LOC131768270: variants seen among roughly 807,000 people sequenced by gnomAD.
At chr5:140,565,739 C>T in the LOC131768270 span, 1 of 394,158 alleles carries the variant, frequency 2.5e-6, no homozygotes, top group African/African-American at 2.1e-5. Flanking sequence ...TTTGCCACTG[C>T]CATCTCAGGA....
At chr5:140,565,860 T>C in the LOC131768270 span, 2 of 398,796 alleles carry the variant, frequency 5.0e-6, no homozygotes, top group Non-Finnish European at 8.8e-6. Context: ...AGCCAGCCTC[T>C]CGCTTGTCCT....
chr5:140,567,402 A>G, the LOC131768270 span: 1 of 1,614,118 alleles, frequency 6.2e-7, no homozygotes, highest in East Asian at 2.2e-5. Context: ...GCATGGCCCC[A>G]GGGGCCCCCA....
the LOC131768270 span, chr5:140,567,167 G>A: frequency 2.8e-5 from 45 of 1,614,106 alleles, no homozygotes; most frequent in Non-Finnish European, 1.0e-5. Context: ...GTCTTGTGTG[G>A]GTATGAGTGT....
chr5:140,568,728 C>G, the LOC131768270 span: 1 of 171,696 alleles, frequency 5.8e-6, no homozygotes, highest in East Asian at 1.9e-4. Context: ...CCTGCCCTCT[C>G]CACAGTGCTG....
the LOC131768270 span, chr5:140,567,623 G>A: frequency 1.9e-6 from 3 of 1,614,174 alleles, no homozygotes; most frequent in Non-Finnish European, 1.7e-6. Context: ...GCTGATGGCT[G>A]CGGGAGCCTG....
the LOC131768270 span, chr5:140,568,004 C>T: frequency 2.2e-5 from 35 of 1,613,990 alleles, no homozygotes; most frequent in African/African-American, 4.0e-5. Flanking sequence ...CAGCATCACA[C>T]GCCTCTTTGT....
chr5:140,567,266 C>A, the LOC131768270 span: 3 of 1,614,240 alleles, frequency 1.9e-6, no homozygotes, highest in Non-Finnish European at 2.5e-6. Context: ...GTACGGTGCC[C>A]ATGCCCCATT....
the LOC131768270 span, chr5:140,567,035 T>C: frequency 7.2e-7 from 1 of 1,385,150 alleles, no homozygotes; most frequent in Admixed American, 1.7e-5. Flanking sequence ...AGTTGGTAGA[T>C]GCCTCTGATC....
At chr5:140,568,210 C>T in the LOC131768270 span, 1 of 1,610,626 alleles carries the variant, frequency 6.2e-7, no homozygotes, top group Non-Finnish European at 8.5e-7. Context: ...ATCCCCCTCC[C>T]AGGCCTTCCT....
the LOC131768270 span, chr5:140,568,169 C>T: frequency 9.4e-5 from 152 of 1,613,596 alleles, 2 homozygotes; most frequent in South Asian, 1.6e-3. Context: ...CACCCTGATT[C>T]CGGACCCTGT....
the LOC131768270 span, chr5:140,568,190 C>T: frequency 3.1e-6 from 5 of 1,612,800 alleles, no homozygotes; most frequent in Non-Finnish European, 4.2e-6. Context: ...AGATTGGGCG[C>T]CACCACCAGA....
At chr5:140,566,935 C>G in the LOC131768270 span, 2 of 690,056 alleles carry the variant, frequency 2.9e-6, no homozygotes, top group African/African-American at 3.5e-5. Flanking sequence ...ACCCTGGATT[C>G]CTTCTTCCCC....
the LOC131768270 span, chr5:140,567,368 T>C: frequency 1.4e-4 from 227 of 1,614,196 alleles, 1 homozygote; most frequent in Middle Eastern, 1.3e-3. Flanking sequence ...GTTATGCGCC[T>C]TCTCCCTTCT....
the LOC131768270 span, chr5:140,567,824 C>T: frequency 6.2e-7 from 1 of 1,614,030 alleles, no homozygotes; most frequent in Non-Finnish European, 8.5e-7. Flanking sequence ...GCCCCTGGCA[C>T]TTCAGAACCT....
chr5:140,567,461 G>A, the LOC131768270 span: 60 of 1,613,998 alleles, frequency 3.7e-5, no homozygotes, highest in Middle Eastern at 3.3e-4. Flanking sequence ...GCTCTATGGC[G>A]CTAACAACAA....
the LOC131768270 span, chr5:140,566,829 T>A: frequency 2.0e-5 from 12 of 602,284 alleles, no homozygotes; most frequent in Admixed American, 5.8e-5. Context: ...TTATCTGGAT[T>A]CCCCAGCTGT....
At chr5:140,568,036 C>T in the LOC131768270 span, 1 of 1,613,992 alleles carries the variant, frequency 6.2e-7, no homozygotes, top group Non-Finnish European at 8.5e-7. Flanking sequence ...CGCTGGTGGT[C>T]AACGCCGTGC....
At chr5:140,567,210 C>T in the LOC131768270 span, 1 of 1,614,148 alleles carries the variant, frequency 6.2e-7, no homozygotes, top group Non-Finnish European at 8.5e-7. Context: ...CTGGGCCGTC[C>T]CAGGCAGGCC....
chr5:140,568,223 C>G, the LOC131768270 span: 1 of 1,604,990 alleles, frequency 6.2e-7, no homozygotes, highest in Non-Finnish European at 8.5e-7. Flanking sequence ...GCCTTCCTCC[C>G]TCTCCCATCA....
Sources: gnomAD v4.1 joint callset for allele counts on GRCh38, gnomAD v4.1.1 for gene constraint, MANE v1.5 for transcripts.